Variants in CDK6 observed in about 807,000 individuals in gnomAD.
CDK6 encodes the protein cyclin dependent kinase 6.
In CDK6, 6 loss-of-function variants were observed where a neutral mutation model predicts 37.1. The ratio of observed to expected loss-of-function variants is 0.16; its 90% CI spans 0.09 to 0.32. The LOEUF is 0.32. Ranked by LOEUF, CDK6 falls within the 10% of genes least tolerant of loss-of-function variation. CDK6 has a pLI of 1.00. For missense variants in CDK6, 224 were observed against 418.9 expected (o/e 0.53, Z 4.06); for synonymous variants, 160 against 161.3 (o/e 0.99, Z 0.06).
chr7:92,607,286 T>C lies in CDK6; in HGVS notation c.*7854A>G. 1 of 233,732 alleles carries C rather than the reference T, an allele frequency of 4.3e-6. No homozygotes were observed. The highest frequency in any genetic ancestry group is 8.5e-6 in the Non-Finnish European group (1 of 118,046). 14.5% of individuals were successfully genotyped at this position (233,732 alleles called of 1,614,324 possible). A position where few individuals can be genotyped will look rare whatever the true frequency, so the allele number is the denominator to read the frequency against. ...ACAAGAGGAGGCACCACCCAGGCAC[T>C]GGTCTCTGCCTGGCATCTATTCCGA... On this transcript the variant is annotated 3_prime_UTR_variant, in exon 8 of 8. Transcript: ENST00000424848.
intron 4 of CDK6, among the ~76,000 whole-genome samples, chr7:92,711,231 G>C (rs1798080497): frequency 6.6e-6 from 1 of 151,864 alleles, no homozygotes; most frequent in African/African-American, 2.4e-5. Context: ...TGGGAGACTG[G>C]GTAAAAATAT....
At chr7:92,618,267 T>A (rs1215580861) in intron 6 of CDK6, 60 bp from the exon 7 acceptor site, 3 of 1,580,468 alleles carry the variant, frequency 1.9e-6, no homozygotes, top group African/African-American at 2.7e-5. Context: ...TGTTTTCTCA[T>A]CAATTTCCAG....
intron 5 of CDK6, 133 bp from the exon 6 acceptor site, chr7:92,623,219 A>AT: frequency 1.6e-6 from 1 of 640,770 alleles, no homozygotes. Flanking sequence ...AAATTGAGAC[A>AT]TTTTTCCTTT....
At chr7:92,672,299 C>CCAGGACAT (rs1797109085) in intron 4 of CDK6, among the ~76,000 whole-genome samples, 1 of 143,364 alleles carries the variant, frequency 7.0e-6, no homozygotes, top group South Asian at 2.2e-4. Flanking sequence ...TACACAACAC[C>CCAGGACAT]CAGGACATGT....
At chr7:92,623,119 A>T in intron 5 of CDK6, 33 bp from the exon 6 acceptor site, 1 of 1,328,596 alleles carries the variant, frequency 7.5e-7, no homozygotes, top group Non-Finnish European at 1.1e-6. Context: ...TAAATAAGAA[A>T]TGTTCTCAGA....
chr7:92,658,570 ACT>A (rs928662500), intron 5 of CDK6, among the ~76,000 whole-genome samples: 5 of 145,610 alleles, frequency 3.4e-5, no homozygotes, highest in Admixed American at 6.9e-5. Context: ...GCATTTATAA[ACT>A]CTCTCTCTTT....
intron 4 of CDK6, among the ~76,000 whole-genome samples, chr7:92,718,674 C>T (rs1337043951): frequency 3.3e-5 from 5 of 152,190 alleles, no homozygotes; most frequent in African/African-American, 1.2e-4. Context: ...CAGGAGGATG[C>T]TGGTGACCTC....
intron 5 of CDK6, among the ~76,000 whole-genome samples, chr7:92,647,933 G>A (rs1796487479): frequency 6.6e-6 from 1 of 152,198 alleles, no homozygotes; most frequent in African/African-American, 2.4e-5. Context: ...CAAGTAAACT[G>A]CTTTGGAAGA....
intron 2 of CDK6, among the ~76,000 whole-genome samples, chr7:92,797,521 G>A (rs1208067419): frequency 6.6e-6 from 1 of 152,134 alleles, no homozygotes; most frequent in East Asian, 1.9e-4. Context: ...ACTGGAACAT[G>A]GCAACCACAT....
chr7:92,820,595 C>G (rs777971263), intron 2 of CDK6, among the ~76,000 whole-genome samples: 1 of 152,054 alleles, frequency 6.6e-6, no homozygotes, highest in Non-Finnish European at 1.5e-5. Context: ...TCAAGAGATA[C>G]TGCCCAAAGT....
At chr7:92,737,021 C>T (rs184456117) in intron 3 of CDK6, among the ~76,000 whole-genome samples, 83 of 152,260 alleles carry the variant, frequency 5.5e-4, no homozygotes, top group Admixed American at 9.8e-4. Context: ...ATCTTCCCTC[C>T]GCTAGCATCT....
At chr7:92,628,674 C>A (rs749457171) in intron 5 of CDK6, among the ~76,000 whole-genome samples, 1 of 152,026 alleles carries the variant, frequency 6.6e-6, no homozygotes, top group Non-Finnish European at 1.5e-5. Context: ...TACATATATA[C>A]GATTAGATGT....
intron 2 of CDK6, among the ~76,000 whole-genome samples, chr7:92,800,167 T>C (rs1211830443): frequency 1.6e-4 from 25 of 152,194 alleles, no homozygotes; most frequent in Admixed American, 1.6e-3. Flanking sequence ...CCATTATTTT[T>C]TCTCTCTCCA....
chr7:92,615,161 GGT>G lies in CDK6; in HGVS notation c.958_959del (p.Thr320LeufsTer14). ...LDSHLPPSQN[T>X]SELNTA Reference sequence around the variant, plus strand: ...GGCCTCAGGCTGTATTCAGCTCCGAGGTGTTCTGGCTGGGCGGCAGGTGGGAA... The same window carrying G: ...GGCCTCAGGCTGTATTCAGCTCCGAGGTTCTGGCTGGGCGGCAGGTGGGAA... On this transcript the variant is annotated frameshift_variant, in exon 8 of 8. Coordinates refer to ENST00000424848, the MANE Select transcript of CDK6 (RefSeq NM_001145306.2). LOFTEE classifies it high-confidence loss of function. The G allele has an allele frequency of 6.2e-7, 1 of 1,613,970 alleles. No individual in the cohort carries two copies. Among genetic ancestry groups the G allele is most frequent in the Non-Finnish European group, 8.5e-7 (1 of 1,180,030 alleles).
chr7:92,711,551 A>ATTTTTTTTTTTT (rs1562943375), intron 4 of CDK6, among the ~76,000 whole-genome samples: 2 of 130,532 alleles, frequency 1.5e-5, no homozygotes, highest in African/African-American at 6.6e-5. Flanking sequence ...GGAATGGTCA[A>ATTTTTTTTTTTT]ATTTTTTTTT....
At position 92,659,872 on chromosome 7, in the gene CDK6, G is replaced by A. The variant is rs898840573; in HGVS notation, c.647+11554C>T. On this transcript the variant is annotated intron_variant, in intron 5 of 7. Transcript: ENST00000424848. The stretch of plus-strand genomic sequence containing the variant: ...GACATCATCCATTCCAGTGTTTTAG[G>A]GTCTTTTTAAATCTCAGAAGCCCAA... Among the ~76,000 whole-genome samples the A allele has an allele frequency of 3.9e-5, 6 of 151,994 alleles. No individual in the cohort carries two copies. The East Asian group carries it at 9.6e-4, about 24-fold the overall frequency.
At chr7:92,650,364 A>C (rs975249143) in intron 5 of CDK6, among the ~76,000 whole-genome samples, 6 of 152,330 alleles carry the variant, frequency 3.9e-5, no homozygotes, top group Middle Eastern at 3.4e-3. Context: ...GCGCGACAAC[A>C]GGCATTCAGA....
rs189486594 is a variant in CDK6, at chr7:92,630,686, G to C, written c.648-7600C>G. 2.5e-3 allele frequency among the ~76,000 whole-genome samples: 380 copies of C among 152,224 alleles called. 2 individuals carry two copies. The highest frequency in any genetic ancestry group is 8.9e-3 in the African/African-American group (370 of 41,540). The stretch of plus-strand genomic sequence containing the variant: ...TCAGATATCGCAGGCTCAACACTCC[G>C]GGGAATACTGTCTTCTGTCTCTTCA... On this transcript the variant is annotated intron_variant, in intron 5 of 7. Coordinates refer to ENST00000424848, the MANE Select transcript of CDK6 (RefSeq NM_001145306.2).
At position 92,607,032 on chromosome 7, in the gene CDK6, A is replaced by G; in HGVS notation, c.*8108T>C. 1 of 233,390 alleles carries G rather than the reference A, an allele frequency of 4.3e-6. No individual in the cohort carries two copies. Among genetic ancestry groups the G allele is most frequent in the Middle Eastern group, 1.3e-3 (1 of 784 alleles). 14.5% of individuals were successfully genotyped at this position (233,390 alleles called of 1,614,324 possible). A position where few individuals can be genotyped will look rare whatever the true frequency, so the allele number is the denominator to read the frequency against. ...ATTATACAGGCAATCCTTGCTTTTT[A>G]TTACCACACTGGATTGCTTCTGTAC... On this transcript the variant is annotated 3_prime_UTR_variant, in exon 8 of 8. Coordinates refer to ENST00000424848, the MANE Select transcript of CDK6 (RefSeq NM_001145306.2).
Sources: gnomAD v4.1 joint callset for allele counts (sites outside exome capture counted in the v4.1 genomes callset) on GRCh38, gnomAD v4.1.1 for gene constraint, MANE v1.5 for transcripts, NCBI Gene and HGNC (gene_info 2026-07-23, HGNC 2026-07-21) for gene names.